Variants in APBB1IP observed in about 807,000 individuals in gnomAD.
APBB1IP encodes amyloid beta precursor protein binding family B member 1 interacting protein, also known as amyloid beta A4 precursor protein-binding family B member 1-interacting protein.
In APBB1IP, 27 loss-of-function variants were observed where a neutral mutation model predicts 64.9. The ratio of observed to expected loss-of-function variants is 0.42; its 90% CI spans 0.31 to 0.57. The LOEUF (loss-of-function observed/expected upper bound fraction) is 0.57, where lower values mean the gene tolerates loss of function less well. Among genes scored for constraint, APBB1IP ranks in the 20% least tolerant of loss-of-function variants. APBB1IP has a pLI of 0.20. For missense variants in APBB1IP, 812 were observed against 845.5 expected, an observed-to-expected ratio of 0.96 and a Z score of 0.49; for synonymous variants, 392 against 331.0, an observed-to-expected ratio of 1.18 and a Z score of -2.00.
chr10:26,525,551 G>A (rs186461535), intron 8 of APBB1IP, among the ~76,000 whole-genome samples: 48 of 152,162 alleles, frequency 3.2e-4, no homozygotes, highest in Non-Finnish European at 5.7e-4. Flanking sequence ...AGTGGGCCGG[G>A]GCAGTAGAAC....
At chr10:26,484,996 ACTCAAGTTGC>A (rs1240421011) in intron 2 of APBB1IP, among the ~76,000 whole-genome samples, 1 of 152,196 alleles carries the variant, frequency 6.6e-6, no homozygotes, top group Non-Finnish European at 1.5e-5. Flanking sequence ...TGATACTGTC[ACTCAAGTTGC>A]CTCAAGTTGC....
chr10:26,446,419 G>A (rs545584711), intron 2 of APBB1IP, among the ~76,000 whole-genome samples: 29 of 152,278 alleles, frequency 1.9e-4, no homozygotes, highest in Non-Finnish European at 2.9e-4. Context: ...CTTGTTGTAA[G>A]CAACACACAG....
intron 11 of APBB1IP, among the ~76,000 whole-genome samples, chr10:26,546,439 A>G (rs1836766200): frequency 6.6e-6 from 1 of 152,150 alleles, no homozygotes; most frequent in Non-Finnish European, 1.5e-5. Flanking sequence ...TTATTTTTTA[A>G]TTAACCCATA....
At chr10:26,487,108 T>C (rs1835901213) in intron 2 of APBB1IP, among the ~76,000 whole-genome samples, 1 of 152,104 alleles carries the variant, frequency 6.6e-6, no homozygotes, top group Non-Finnish European at 1.5e-5. Context: ...GCATGGCTTG[T>C]TTGCAATGCA....
At chr10:26,443,838 G>C (rs1373222977) in intron 2 of APBB1IP, among the ~76,000 whole-genome samples, 1 of 152,124 alleles carries the variant, frequency 6.6e-6, no homozygotes, top group Non-Finnish European at 1.5e-5. Context: ...TGCCCGGCCA[G>C]ATCTCCAGTT....
At position 26,513,603 on chromosome 10, in the gene APBB1IP, A is replaced by C; in HGVS notation, c.756A>C (p.Glu252Asp). The C allele has an allele frequency of 6.2e-7, 1 of 1,613,174 alleles. No individual in the cohort carries two copies. ...EVLSDWTRDT[E>D]NKILFLEKEE... ...TATCAGACTGGACAAGAGACACAGA[A>C]AATAAAATACTATTTTTGGAGAAAG... is the stretch of plus-strand genomic sequence containing the variant. Residue 252 changes from glutamate to aspartate, a missense_variant, in exon 8 of 15, where the codon GAA becomes GAC. By Grantham distance (45) the Glu-to-Asp change is conservative. Coordinates refer to ENST00000376236, the MANE Select transcript of APBB1IP (RefSeq NM_019043.4).
chr10:26,444,599 A>G (rs780983747), intron 2 of APBB1IP, among the ~76,000 whole-genome samples: 1 of 152,308 alleles, frequency 6.6e-6, no homozygotes, highest in South Asian at 2.1e-4. Flanking sequence ...GTCATCAACT[A>G]AAGTCAGCAA....
At chr10:26,550,803 T>C (rs1256904907) in intron 11 of APBB1IP, among the ~76,000 whole-genome samples, 1 of 152,238 alleles carries the variant, frequency 6.6e-6, no homozygotes, top group Non-Finnish European at 1.5e-5. Flanking sequence ...TTGGGCTCTG[T>C]CTTTGCATTG....
intron 2 of APBB1IP, among the ~76,000 whole-genome samples, chr10:26,468,369 C>T (rs747579026): frequency 7.2e-5 from 11 of 152,174 alleles, no homozygotes; most frequent in Non-Finnish European, 1.6e-4. Context: ...AACAAATATT[C>T]AAGGTATGAA....
At chr10:26,476,640 T>C (rs1835779692) in intron 2 of APBB1IP, among the ~76,000 whole-genome samples, 1 of 152,108 alleles carries the variant, frequency 6.6e-6, no homozygotes, top group African/African-American at 2.4e-5. Flanking sequence ...ACAAAGACGT[T>C]CTGTCTTTGT....
chr10:26,558,140 A>ACACACACAC (rs1836917404), intron 11 of APBB1IP, among the ~76,000 whole-genome samples: 3 of 148,894 alleles, frequency 2.0e-5, no homozygotes, highest in African/African-American at 5.0e-5. Context: ...CACACACACA[A>ACACACACAC]ACACACACAC....
At chr10:26,493,664 T>G (rs1564360117) in intron 3 of APBB1IP, among the ~76,000 whole-genome samples, 1 of 152,190 alleles carries the variant, frequency 6.6e-6, no homozygotes, top group Non-Finnish European at 1.5e-5. Context: ...TATATTCTTT[T>G]GAGTTCAGTT....
chr10:26,450,760 A>G (rs1434293474), intron 2 of APBB1IP, among the ~76,000 whole-genome samples: 1 of 150,536 alleles, frequency 6.6e-6, no homozygotes, highest in Non-Finnish European at 1.5e-5. Context: ...CAATGGCTCA[A>G]TCTAAGCTCA....
At chr10:26,466,678 G>A (rs10829008) in intron 2 of APBB1IP, among the ~76,000 whole-genome samples, 55,966 of 151,996 alleles carry the variant, frequency 0.37, 10,366 homozygotes, top group South Asian at 0.5. Flanking sequence ...GTACATACCT[G>A]TAGTCCCAGC....
At chr10:26,460,789 G>C (rs912426545) in intron 2 of APBB1IP, among the ~76,000 whole-genome samples, 3 of 152,164 alleles carry the variant, frequency 2.0e-5, no homozygotes, top group Non-Finnish European at 4.4e-5. Context: ...ACACACACCT[G>C]TCAGAGGGTT....
intron 9 of APBB1IP, 97 bp downstream of exon 9, chr10:26,533,622 A>G: frequency 4.4e-6 from 3 of 677,356 alleles, no homozygotes; most frequent in Non-Finnish European, 2.3e-6. Context: ...CTAAAGACAT[A>G]CACTGAAATT....
chr10:26,510,626 C>T (rs1346988151), intron 6 of APBB1IP, among the ~76,000 whole-genome samples: 3 of 151,718 alleles, frequency 2.0e-5, no homozygotes, highest in African/African-American at 4.8e-5. Flanking sequence ...GTCCCAACCA[C>T]TCAGGAGGCT....
chr10:26,506,167 C>T (rs1471637190), intron 6 of APBB1IP, among the ~76,000 whole-genome samples: 4 of 150,944 alleles, frequency 2.6e-5, no homozygotes, highest in African/African-American at 9.8e-5. Flanking sequence ...TCCTATCTAA[C>T]ACCACATGCA....
rs115436063 is a variant in APBB1IP at position 26,462,068 on chromosome 10, A to C, written c.-1+23215A>C. On this transcript the variant is annotated intron_variant, in intron 2 of 14. Transcript: ENST00000376236. ...ATCCACGTGGCTGCTTCTGTAGATA[A>C]TGTTTTATTGGCACTAGCCATGCTT... 2.2e-3 allele frequency among the ~76,000 whole-genome samples: 330 copies of C among 152,318 alleles called. 3 individuals are homozygous for C. Among genetic ancestry groups the C allele is most frequent in the African/African-American group, 7.6e-3 (318 of 41,584 alleles).
Sources: allele counts gnomAD v4.1 joint callset (sites outside exome capture counted in the v4.1 genomes callset), GRCh38; gene constraint gnomAD v4.1.1; transcripts MANE v1.5; gene names NCBI Gene and HGNC (gene_info 2026-07-23, HGNC 2026-07-21).